The following PLXNC1 variants were observed in gnomAD, a reference collection of about 807,000 sequenced individuals.
The protein encoded by PLXNC1 is plexin-C1.
A neutral mutation model predicts 178.2 loss-of-function variants in PLXNC1; 75 were observed. The observed-to-expected ratio is 0.42, with a 90% CI of 0.35 to 0.51. The LOEUF is 0.51. PLXNC1 is among the 20% of genes least tolerant of loss of function. The pLI is 0.02. For synonymous variants in PLXNC1, 790 were observed against 779.9 expected (o/e 1.01, Z -0.22); for missense variants, 1,503 against 1,984.4 (o/e 0.76, Z 4.61).
At chr12:94,262,292 C>T (rs1278394798) in intron 20 of PLXNC1, among the ~76,000 whole-genome samples, 1 of 152,216 alleles carries the variant, frequency 6.6e-6, no homozygotes, top group Non-Finnish European at 1.5e-5. Context: ...GCTGTGTGTC[C>T]CTGGGCATGG....
At chr12:94,172,912 A>G (rs943381695) in intron 2 of PLXNC1, among the ~76,000 whole-genome samples, 5 of 152,098 alleles carry the variant, frequency 3.3e-5, no homozygotes, top group Admixed American at 1.3e-4. Context: ...TCTCTTGCCT[A>G]TAGACCTAAG....
At chr12:94,217,676 A>G (rs1041278838) in intron 5 of PLXNC1, among the ~76,000 whole-genome samples, 2 of 152,074 alleles carry the variant, frequency 1.3e-5, no homozygotes, top group Non-Finnish European at 2.9e-5. Context: ...GTCCTGCCCC[A>G]TGCCACTTCT....
At chr12:94,168,257 A>C (rs1276886097) in intron 1 of PLXNC1, 1 of 152,248 alleles carries the variant, frequency 6.6e-6, no homozygotes, top group African/African-American at 2.4e-5. Flanking sequence ...TGCAGACGGC[A>C]ACGGCTCTTC....
At chr12:94,305,113 G>T in intron 30 of PLXNC1, 68 bp from the exon 31 acceptor site, 1 of 897,194 alleles carries the variant, frequency 1.1e-6, no homozygotes. Context: ...ACAGCATCAG[G>T]TATGCAAAAA....
intron 10 of PLXNC1, among the ~76,000 whole-genome samples, chr12:94,238,913 T>C (rs1464507047): frequency 6.6e-6 from 1 of 152,230 alleles, no homozygotes; most frequent in African/African-American, 2.4e-5. Context: ...CTATGCAACA[T>C]AGGTTTTTTT....
At chr12:94,233,687 G>C (rs1202509866) in intron 9 of PLXNC1, among the ~76,000 whole-genome samples, 1 of 152,124 alleles carries the variant, frequency 6.6e-6, no homozygotes, top group Non-Finnish European at 1.5e-5. Context: ...CCGTGAAAAG[G>C]CATTTGTCCC....
intron 1 of PLXNC1, among the ~76,000 whole-genome samples, chr12:94,154,354 G>A (rs1961077679): frequency 6.6e-6 from 1 of 152,148 alleles, no homozygotes; most frequent in Admixed American, 6.5e-5. Context: ...TCTATATTAA[G>A]GAGCCCTACC....
intron 1 of PLXNC1, among the ~76,000 whole-genome samples, chr12:94,157,712 C>T (rs1197189978): frequency 6.6e-6 from 1 of 152,168 alleles, no homozygotes; most frequent in African/African-American, 2.4e-5. Flanking sequence ...ATCCCACCAC[C>T]CTGGTCAATG....
intron 6 of PLXNC1, among the ~76,000 whole-genome samples, chr12:94,223,809 G>T (rs1299068142): frequency 6.6e-6 from 1 of 152,164 alleles, no homozygotes; most frequent in Non-Finnish European, 1.5e-5. Context: ...TTGCAGCGTG[G>T]ATTTTTCTGA....
intron 21 of PLXNC1, among the ~76,000 whole-genome samples, chr12:94,266,183 G>A (rs1965228400): frequency 6.6e-6 from 1 of 152,178 alleles, no homozygotes; most frequent in African/African-American, 2.4e-5. Flanking sequence ...TCCCTAATTG[G>A]AGAAGGCACC....
At chr12:94,267,609 C>T (rs1385559354) in intron 21 of PLXNC1, among the ~76,000 whole-genome samples, 1 of 152,128 alleles carries the variant, frequency 6.6e-6, no homozygotes, top group Non-Finnish European at 1.5e-5. Context: ...TTTTTAGGGG[C>T]CTTGCCTTTA....
At position 94,264,899 on chromosome 12, in the gene PLXNC1, C is replaced by T. The variant is rs189961293; in HGVS notation, c.3451-180C>T. ...GTGCATTCGCGATGGAGAGAGGAGGCGGTTTTCTGAGTTTTGCATCCAATC... is the reference window on the plus strand; with the variant it reads ...GTGCATTCGCGATGGAGAGAGGAGGTGGTTTTCTGAGTTTTGCATCCAATC... On this transcript the variant is annotated intron_variant, in intron 20 of 30. Coordinates refer to ENST00000258526, the MANE Select transcript of PLXNC1 (RefSeq NM_005761.3). Among the ~76,000 whole-genome samples the T allele has an allele frequency of 5.9e-3, 906 of 152,330 alleles. 1 individual carries two copies. Among genetic ancestry groups the T allele is most frequent in the Non-Finnish European group, 0.011 (721 of 68,034 alleles).
At chr12:94,242,784 C>T (rs1386870795) in intron 11 of PLXNC1, among the ~76,000 whole-genome samples, 1 of 152,142 alleles carries the variant, frequency 6.6e-6, no homozygotes, top group Admixed American at 6.5e-5. Context: ...CTAGGTTAAT[C>T]CTCACAACAA....
At chr12:94,163,313 G>A (rs1481582536) in intron 1 of PLXNC1, among the ~76,000 whole-genome samples, 1 of 152,062 alleles carries the variant, frequency 6.6e-6, no homozygotes, top group African/African-American at 2.4e-5. Context: ...AGCCGAGATC[G>A]TGCCACTACA....
At chr12:94,268,461 G>C (rs1016890508) in intron 21 of PLXNC1, among the ~76,000 whole-genome samples, 1 of 152,082 alleles carries the variant, frequency 6.6e-6, no homozygotes, top group African/African-American at 2.4e-5. Context: ...GCAACAGTGA[G>C]ACAGAATGCC....
intron 2 of PLXNC1, among the ~76,000 whole-genome samples, chr12:94,181,139 C>T (rs1311207741): frequency 6.6e-6 from 1 of 152,044 alleles, no homozygotes; most frequent in Non-Finnish European, 1.5e-5. Context: ...GTGGCTCACA[C>T]CTGTTACCCC....
intron 28 of PLXNC1, among the ~76,000 whole-genome samples, chr12:94,302,253 T>A (rs1968543036): frequency 6.6e-6 from 1 of 152,212 alleles, no homozygotes; most frequent in South Asian, 2.1e-4. Context: ...CCCACTGTGC[T>A]ACAGCTTTTA....
At chr12:94,278,279 T>C (rs1966138274) in intron 21 of PLXNC1, 3 of 350,272 alleles carry the variant, frequency 8.6e-6, no homozygotes, top group Non-Finnish European at 1.7e-5. Context: ...CCAAGGTGCA[T>C]TAGAATCTAA....
intron 17 of PLXNC1, among the ~76,000 whole-genome samples, chr12:94,257,881 C>A (rs1232306362): frequency 1.3e-5 from 2 of 150,982 alleles, no homozygotes; most frequent in East Asian, 3.9e-4. Flanking sequence ...TGCACTCCAG[C>A]CTGGGCGACA....
Sources: gnomAD v4.1 joint callset for allele counts (sites outside exome capture counted in the v4.1 genomes callset) on GRCh38, gnomAD v4.1.1 for gene constraint, MANE v1.5 for transcripts, NCBI Gene and HGNC (gene_info 2026-07-23, HGNC 2026-07-21) for gene names.